Variants in SMIM41 observed in about 807,000 individuals in gnomAD.
SMIM41 encodes the protein small integral membrane protein 41.
intron 2 of SMIM41, among the ~76,000 whole-genome samples, chr12:52,101,973 A>G (rs1940225956): frequency 6.6e-6 from 1 of 152,176 alleles, no homozygotes; most frequent in East Asian, 1.9e-4. Flanking sequence ...TCGGCCTCCC[A>G]AAGTGCTGGG....
At chr12:52,101,362 T>A (rs1592330463) in intron 2 of SMIM41, among the ~76,000 whole-genome samples, 1 of 151,840 alleles carries the variant, frequency 6.6e-6, no homozygotes, top group East Asian at 1.9e-4. Flanking sequence ...GAGGCGGAGG[T>A]TGCAGTGAGC....
chr12:52,101,714 GT>G (rs879348592), intron 2 of SMIM41, among the ~76,000 whole-genome samples: 3 of 147,360 alleles, frequency 2.0e-5, no homozygotes, highest in African/African-American at 2.5e-5. Context: ...CTGTTTTTTT[GT>G]TTTTTTTTTG....
intron 2 of SMIM41, among the ~76,000 whole-genome samples, chr12:52,096,821 C>T (rs1940106010): frequency 6.6e-6 from 1 of 151,830 alleles, no homozygotes; most frequent in Non-Finnish European, 1.5e-5. Context: ...TTGCGACATT[C>T]CTCACAATAT....
chr12:52,080,665 G>C (rs1422308217), intron 1 of SMIM41, among the ~76,000 whole-genome samples: 1 of 152,254 alleles, frequency 6.6e-6, no homozygotes, highest in Non-Finnish European at 1.5e-5. Context: ...CGGGGCTGAG[G>C]AGACAGGCAG....
At chr12:52,097,471 C>G (rs1221605857) in intron 2 of SMIM41, among the ~76,000 whole-genome samples, 7 of 152,054 alleles carry the variant, frequency 4.6e-5, no homozygotes, top group African/African-American at 1.7e-4. Context: ...GTGGACACTC[C>G]CCGCTGATGC....
At chr12:52,098,332 C>T (rs1290411125) in intron 2 of SMIM41, among the ~76,000 whole-genome samples, 1 of 152,022 alleles carries the variant, frequency 6.6e-6, no homozygotes, top group East Asian at 1.9e-4. Context: ...CCATCCTCTC[C>T]CTCTTTGGAT....
chr12:52,084,082 T>A (rs1029948533), intron 2 of SMIM41, 114 bp downstream of exon 2: 1 of 152,060 alleles, frequency 6.6e-6, no homozygotes, highest in Non-Finnish European at 1.5e-5. Flanking sequence ...GATGAGGAGA[T>A]AAACAAGACA....
At chr12:52,100,301 A>G (rs1940192695) in intron 2 of SMIM41, among the ~76,000 whole-genome samples, 1 of 152,074 alleles carries the variant, frequency 6.6e-6, no homozygotes, top group Non-Finnish European at 1.5e-5. Flanking sequence ...TGGGAGTAAT[A>G]TCATCCTCTG....
intron 2 of SMIM41, among the ~76,000 whole-genome samples, chr12:52,098,961 A>G (rs1565670103): frequency 6.6e-6 from 1 of 151,890 alleles, no homozygotes; most frequent in Non-Finnish European, 1.5e-5. Flanking sequence ...ATTAGGAACA[A>G]TATCACAGGG....
At chr12:52,089,016 G>A (rs1215280990) in intron 2 of SMIM41, among the ~76,000 whole-genome samples, 2 of 151,766 alleles carry the variant, frequency 1.3e-5, no homozygotes, top group Admixed American at 6.6e-5. Context: ...TCCAGCCGCC[G>A]CTGCTTGTAA....
intron 2 of SMIM41, among the ~76,000 whole-genome samples, chr12:52,105,924 T>C (rs1335251211): frequency 1.3e-5 from 2 of 152,206 alleles, no homozygotes; most frequent in African/African-American, 2.4e-5. Context: ...CTCAGCACTC[T>C]CATCTGAGTT....
At chr12:52,105,991 C>T (rs908571916) in intron 2 of SMIM41, among the ~76,000 whole-genome samples, 8 of 152,210 alleles carry the variant, frequency 5.3e-5, no homozygotes, top group African/African-American at 1.9e-4. Flanking sequence ...TGGGCTCCCG[C>T]TGCATGATCT....
chr12:52,094,008 C>G (rs11503936), intron 2 of SMIM41, among the ~76,000 whole-genome samples: 53,536 of 151,016 alleles, frequency 0.35, 11,220 homozygotes, highest in African/African-American at 0.55. Context: ...GTGGGTGCCT[C>G]TAATCCCAGC....
intron 2 of SMIM41, among the ~76,000 whole-genome samples, chr12:52,089,500 A>C (rs1323028687): frequency 6.6e-6 from 1 of 152,128 alleles, no homozygotes; most frequent in Non-Finnish European, 1.5e-5. Context: ...AGGCTGAGAC[A>C]AGAGACTTAC....
intron 1 of SMIM41, among the ~76,000 whole-genome samples, chr12:52,082,647 C>A (rs1206340238): frequency 6.6e-6 from 1 of 151,842 alleles, no homozygotes; most frequent in Non-Finnish European, 1.5e-5. Context: ...AAGCCAGGCA[C>A]CCGAACTCCT....
chr12:52,097,532 G>C (rs1940122423), intron 2 of SMIM41, among the ~76,000 whole-genome samples: 1 of 152,076 alleles, frequency 6.6e-6, no homozygotes, highest in Non-Finnish European at 1.5e-5. Flanking sequence ...AGCCACTGTG[G>C]ACACACAGTG....
intron 2 of SMIM41, among the ~76,000 whole-genome samples, chr12:52,091,126 CT>C (rs1592324529): frequency 6.6e-6 from 1 of 152,258 alleles, no homozygotes; most frequent in East Asian, 1.9e-4. Context: ...ATCCTCCTAT[CT>C]CAGCCTCCCC....
At chr12:52,101,838 G>A (rs1317382949) in intron 2 of SMIM41, among the ~76,000 whole-genome samples, 4 of 151,924 alleles carry the variant, frequency 2.6e-5, no homozygotes, top group Non-Finnish European at 5.9e-5. Context: ...TCCACCTCCC[G>A]AGTAGCTGGG....
At chr12:52,097,356 C>T (rs527441175) in intron 2 of SMIM41, among the ~76,000 whole-genome samples, 3 of 151,890 alleles carry the variant, frequency 2.0e-5, no homozygotes, top group Admixed American at 6.5e-5. Flanking sequence ...TCACCCCCCC[C>T]CGGATATTAC....
Sources: gnomAD v4.1 joint callset for allele counts (sites outside exome capture counted in the v4.1 genomes callset) on GRCh38, gnomAD v4.1.1 for gene constraint, MANE v1.5 for transcripts, NCBI Gene and HGNC (gene_info 2026-07-23, HGNC 2026-07-21) for gene names.